ITGA1: variants seen among roughly 807,000 people sequenced by gnomAD.
ITGA1 encodes integrin subunit alpha 1, also known as integrin alpha-1.
In ITGA1, 85 loss-of-function variants were observed where a neutral mutation model predicts 145.9. That is an observed-to-expected ratio of 0.58 (90% CI 0.49 to 0.70). The LOEUF (loss-of-function observed/expected upper bound fraction) is 0.70, where lower values mean the gene tolerates loss of function less well. Among genes scored for constraint, ITGA1 ranks in the 30% least tolerant of loss-of-function variants. The probability of loss-of-function intolerance (pLI) is 0.00; values close to 1 mark genes in which losing one functional copy is unlikely to be tolerated. For missense variants in ITGA1, 1,351 were observed against 1,418.7 expected (o/e 0.95, Z 0.77); for synonymous variants, 520 against 495.3 (o/e 1.05, Z -0.66).
At chr5:52,921,242 G>C (rs1180341756) in intron 17 of ITGA1, among the ~76,000 whole-genome samples, 1 of 152,100 alleles carries the variant, frequency 6.6e-6, no homozygotes, top group African/African-American at 2.4e-5. Flanking sequence ...AAGACTTAGA[G>C]ACTTGACGGT....
At chr5:52,789,747 T>C (rs1400009077) in intron 1 of ITGA1, among the ~76,000 whole-genome samples, 1 of 152,252 alleles carries the variant, frequency 6.6e-6, no homozygotes, top group Non-Finnish European at 1.5e-5. Context: ...TATTTTGTTG[T>C]TTTTGTGCAA....
At chr5:52,901,201 C>A (rs1350305526) in intron 11 of ITGA1, among the ~76,000 whole-genome samples, 2 of 152,136 alleles carry the variant, frequency 1.3e-5, no homozygotes, top group African/African-American at 4.8e-5. Flanking sequence ...GTGTTGTTGG[C>A]TTTAAAGATG....
chr5:52,799,525 T>C (rs1000492782), intron 1 of ITGA1, among the ~76,000 whole-genome samples: 1 of 152,214 alleles, frequency 6.6e-6, no homozygotes, highest in Non-Finnish European at 1.5e-5. Flanking sequence ...ATTCCACACA[T>C]AGTTTCTTCT....
Position 52,883,709 on chromosome 5 carries a change from G to T in ITGA1, c.773+1688G>T, listed in dbSNP as rs1489713891. The stretch of plus-strand genomic sequence containing the variant: ...TTACAGTATTTAATCATGAGGCCTG[G>T]ATTCTCCTGTCTTGAAGAAAGGGAC... On this transcript the variant is annotated intron_variant, in intron 7 of 28. Coordinates refer to ENST00000282588, the MANE Select transcript of ITGA1 (RefSeq NM_181501.2). Among the ~76,000 whole-genome samples, 3 of 152,024 alleles carry T rather than the reference G, an allele frequency of 2.0e-5. No homozygotes were observed. The East Asian group carries it at 5.8e-4, about 29-fold the overall frequency.
intron 6 of ITGA1, among the ~76,000 whole-genome samples, chr5:52,867,568 C>T (rs1041655259): frequency 4.6e-5 from 7 of 152,076 alleles, no homozygotes; most frequent in Admixed American, 1.3e-4. Context: ...GTGACTTGCT[C>T]TTCCTTCTGG....
intron 1 of ITGA1, among the ~76,000 whole-genome samples, chr5:52,819,175 T>C (rs966916375): frequency 1.3e-5 from 2 of 152,178 alleles, no homozygotes; most frequent in East Asian, 1.9e-4. Context: ...AATGGGATGG[T>C]GGGGTCAAAT....
chr5:52,943,136 C>A (rs1173517933), intron 26 of ITGA1, among the ~76,000 whole-genome samples: 1 of 152,128 alleles, frequency 6.6e-6, no homozygotes, highest in Non-Finnish European at 1.5e-5. Context: ...GAGTGGGCAT[C>A]CTTGTCTTAT....
chr5:52,881,851 T>C, intron 6 of ITGA1, 22 bp from the exon 7 acceptor site: 1 of 1,596,886 alleles, frequency 6.3e-7, no homozygotes, highest in Non-Finnish European at 8.5e-7. Context: ...GACGTATAAC[T>C]CACAGTGGCT....
At chr5:52,800,251 A>G in intron 1 of ITGA1, 1 of 757,750 alleles carries the variant, frequency 1.3e-6, no homozygotes, top group Non-Finnish European at 2.2e-6. Flanking sequence ...AGTCGAAGCA[A>G]GCGTGTTTCC....
At chr5:52,867,808 G>A (rs972702263) in intron 6 of ITGA1, among the ~76,000 whole-genome samples, 2 of 151,976 alleles carry the variant, frequency 1.3e-5, no homozygotes, top group Admixed American at 1.3e-4. Flanking sequence ...TGGCAGATTA[G>A]AACACACACA....
intron 2 of ITGA1, among the ~76,000 whole-genome samples, chr5:52,854,425 C>A (rs905480047): frequency 2.0e-5 from 3 of 152,160 alleles, no homozygotes; most frequent in Admixed American, 1.3e-4. Flanking sequence ...CTTGTCATTT[C>A]TTTGGCTCCC....
chr5:52,869,218 T>A (rs1749739312), intron 6 of ITGA1, among the ~76,000 whole-genome samples: 1 of 152,186 alleles, frequency 6.6e-6, no homozygotes, highest in Admixed American at 6.5e-5. Context: ...TGGAGTGCAA[T>A]GGTACGATCT....
intron 1 of ITGA1, among the ~76,000 whole-genome samples, chr5:52,846,316 T>C (rs180886392): frequency 1.1e-3 from 174 of 152,160 alleles, no homozygotes; most frequent in Admixed American, 2.4e-3. Flanking sequence ...GGCATGAGAA[T>C]AGCTTGAAGC....
chr5:52,806,609 G>T (rs1411047315), intron 1 of ITGA1, among the ~76,000 whole-genome samples: 1 of 151,980 alleles, frequency 6.6e-6, no homozygotes, highest in East Asian at 1.9e-4. Context: ...TTTAGGAAGT[G>T]TGTGATATAT....
intron 14 of ITGA1, among the ~76,000 whole-genome samples, chr5:52,911,533 AT>A (rs1360141479): frequency 1.7e-5 from 2 of 117,674 alleles, no homozygotes; most frequent in African/African-American, 3.3e-5. Context: ...ATATCTATAT[AT>A]TAGATACATA....
intron 6 of ITGA1, among the ~76,000 whole-genome samples, chr5:52,869,603 T>C (rs1209846726): frequency 6.6e-6 from 1 of 152,190 alleles, no homozygotes; most frequent in East Asian, 1.9e-4. Flanking sequence ...AAAGTCTGCA[T>C]CATCTTCTTA....
At chr5:52,848,113 A>G (rs758648267) in intron 1 of ITGA1, among the ~76,000 whole-genome samples, 1 of 152,224 alleles carries the variant, frequency 6.6e-6, no homozygotes, top group Non-Finnish European at 1.5e-5. Context: ...AATCTGGATA[A>G]CAACTGGTGA....
chr5:52,911,983 ATATGTATAGTGTGTATCTAC>A (rs1238672727), intron 14 of ITGA1, among the ~76,000 whole-genome samples: 1 of 71,648 alleles, frequency 1.4e-5, no homozygotes, highest in Non-Finnish European at 3.1e-5. Flanking sequence ...TATATATACT[ATATGTATAGTGTGTATCTAC>A]TATATATACT....
At chr5:52,915,675 C>T in intron 15 of ITGA1, 81 bp downstream of exon 15, 3 of 1,495,496 alleles carry the variant, frequency 2.0e-6, no homozygotes, top group Non-Finnish European at 2.7e-6. Context: ...TCATGTCATA[C>T]CAAATATCTA....
Sources: allele counts gnomAD v4.1 joint callset (sites outside exome capture counted in the v4.1 genomes callset), GRCh38; gene constraint gnomAD v4.1.1; transcripts MANE v1.5; gene names NCBI Gene and HGNC (gene_info 2026-07-23, HGNC 2026-07-21).